Variants in MORC1 observed in about 807,000 individuals in gnomAD.
MORC1 encodes the protein MORC family CW-type zinc finger protein 1.
Under a neutral mutation model 134.9 loss-of-function variants are expected in MORC1, and 59 were observed. The ratio of observed to expected loss-of-function variants is 0.44; its 90% CI spans 0.35 to 0.54. The LOEUF is 0.54. MORC1 is among the 20% of genes least tolerant of loss of function. The pLI is 0.00. For synonymous variants in MORC1, 395 were observed against 391.7 expected (o/e 1.01, Z -0.10); for missense variants, 947 against 1,134.5 (o/e 0.83, Z 2.37).
intron 26 of MORC1, among the ~76,000 whole-genome samples, chr3:108,965,726 C>A (rs1161500150): frequency 6.6e-6 from 1 of 152,076 alleles, no homozygotes; most frequent in South Asian, 2.1e-4. Flanking sequence ...TAATTATGCA[C>A]TGGGGAAACC....
intron 9 of MORC1, among the ~76,000 whole-genome samples, chr3:109,069,024 T>C (rs1950258717): frequency 6.7e-6 from 1 of 150,122 alleles, no homozygotes; most frequent in African/African-American, 2.4e-5. Flanking sequence ...GGCGTGGTGG[T>C]GCACGCCTGT....
At chr3:108,975,718 A>T (rs1311768489) in intron 24 of MORC1, among the ~76,000 whole-genome samples, 2 of 152,158 alleles carry the variant, frequency 1.3e-5, no homozygotes, top group Non-Finnish European at 2.9e-5. Flanking sequence ...AGCCCTTAGG[A>T]CTGTGCCTAG....
chr3:109,051,246 C>T (rs909499506), intron 14 of MORC1, among the ~76,000 whole-genome samples: 1 of 152,090 alleles, frequency 6.6e-6, no homozygotes, highest in African/African-American at 2.4e-5. Flanking sequence ...TTTGCTGATT[C>T]GATTTTTACA....
chr3:109,097,697 A>G (rs1471698967), intron 6 of MORC1, among the ~76,000 whole-genome samples: 3 of 152,236 alleles, frequency 2.0e-5, no homozygotes, highest in Non-Finnish European at 2.9e-5. Context: ...TGACACGAAC[A>G]CAGAAAACCA....
chr3:108,981,449 G>A (rs1221766255), intron 23 of MORC1, among the ~76,000 whole-genome samples: 1 of 152,110 alleles, frequency 6.6e-6, no homozygotes, highest in Non-Finnish European at 1.5e-5. Flanking sequence ...TTTACACAAT[G>A]TCTGAATGCT....
intron 26 of MORC1, among the ~76,000 whole-genome samples, chr3:108,964,197 G>A (rs1947157245): frequency 6.6e-6 from 1 of 152,180 alleles, no homozygotes; most frequent in South Asian, 2.1e-4. Context: ...AAGAATCTTG[G>A]TTGTTCTCCA....
At chr3:109,018,906 A>G (rs1192900993) in intron 17 of MORC1, 1 of 152,138 alleles carries the variant, frequency 6.6e-6, no homozygotes, top group Non-Finnish European at 1.5e-5. Flanking sequence ...TTAAAACAGG[A>G]ACTCCTCGAC....
At chr3:108,970,677 C>T (rs1057477009) in intron 25 of MORC1, among the ~76,000 whole-genome samples, 1 of 152,176 alleles carries the variant, frequency 6.6e-6, no homozygotes, top group Non-Finnish European at 1.5e-5. Context: ...GAAAAGGCCT[C>T]CCACCCTCCT....
chr3:109,067,717 G>A (rs1276497748), intron 9 of MORC1, among the ~76,000 whole-genome samples: 3 of 152,168 alleles, frequency 2.0e-5, no homozygotes, highest in Non-Finnish European at 4.4e-5. Flanking sequence ...TGAATGGACT[G>A]ATTTATAGGG....
chr3:109,070,788 G>A (rs1424012278), intron 8 of MORC1, among the ~76,000 whole-genome samples: 1 of 152,158 alleles, frequency 6.6e-6, no homozygotes, highest in Non-Finnish European at 1.5e-5. Context: ...AAATGAAGAT[G>A]AAGCCATAAG....
Position 108,976,491 on chromosome 3 carries a change from AAAC to A in MORC1, c.2477+3021_2477+3023del, listed in dbSNP as rs757826473. 5.8e-4 allele frequency among the ~76,000 whole-genome samples: 88 copies of A among 152,328 alleles called. 2 individuals carry two copies. Among genetic ancestry groups the A allele is most frequent in the Non-Finnish European group, 2.2e-4 (15 of 68,024 alleles). Reference sequence around the variant, plus strand: ...TATAAAATAGCAAATAATACTACAAAAACAACAACAAGAAAAACAACAAAATAC... The same window carrying A: ...TATAAAATAGCAAATAATACTACAAAAACAACAAGAAAAACAACAAAATAC... On this transcript the variant is annotated intron_variant, in intron 24 of 27. Coordinates refer to ENST00000232603, the MANE Select transcript of MORC1 (RefSeq NM_014429.4).
intron 1 of MORC1, among the ~76,000 whole-genome samples, chr3:109,115,983 A>G (rs1490297403): frequency 6.6e-6 from 1 of 152,192 alleles, no homozygotes; most frequent in East Asian, 1.9e-4. Context: ...CTTGCAGAGT[A>G]CGGTAGAAAC....
chr3:108,972,167 A>C (rs1443962805), intron 24 of MORC1, among the ~76,000 whole-genome samples: 4 of 152,230 alleles, frequency 2.6e-5, no homozygotes, highest in African/African-American at 9.6e-5. Context: ...GTCAAAGGAC[A>C]ATAGCACCCA....
chr3:108,971,448 G>C, intron 24 of MORC1, 46 bp from the exon 25 acceptor site: 1 of 1,527,470 alleles, frequency 6.5e-7, no homozygotes, highest in Admixed American at 1.7e-5. Flanking sequence ...TAGGATAACA[G>C]AGGTAGCACT....
At chr3:109,052,761 A>C (rs1311894164) in intron 14 of MORC1, among the ~76,000 whole-genome samples, 2 of 152,220 alleles carry the variant, frequency 1.3e-5, no homozygotes, top group Non-Finnish European at 2.9e-5. Context: ...CATTGAATAC[A>C]TGATATTCTA....
intron 6 of MORC1, 33 bp downstream of exon 6, chr3:109,099,325 C>G (rs1467859469): frequency 6.7e-7 from 1 of 1,481,778 alleles, no homozygotes; most frequent in Non-Finnish European, 9.3e-7. Context: ...AACATCATTG[C>G]TATGGGAACA....
intron 3 of MORC1, chr3:109,109,929 T>C (rs1254333267): frequency 6.6e-6 from 1 of 152,216 alleles, no homozygotes; most frequent in African/African-American, 2.4e-5. Flanking sequence ...AGCCTAACAT[T>C]TATCAGCAAT....
At chr3:108,987,100 T>C (rs759102485) in intron 21 of MORC1, 151 bp from the exon 22 acceptor site, 1 of 492,244 alleles carries the variant, frequency 2.0e-6, no homozygotes, top group Non-Finnish European at 3.6e-6. Flanking sequence ...AGGGAACAAA[T>C]GGTACATGTA....
intron 23 of MORC1, among the ~76,000 whole-genome samples, chr3:108,979,983 A>G (rs1947668558): frequency 6.6e-6 from 1 of 152,188 alleles, no homozygotes. Context: ...AACCTGTTAA[A>G]CAACTATACA....
Sources: gnomAD v4.1 joint callset for allele counts (sites outside exome capture counted in the v4.1 genomes callset) on GRCh38, gnomAD v4.1.1 for gene constraint, MANE v1.5 for transcripts, NCBI Gene and HGNC (gene_info 2026-07-23, HGNC 2026-07-21) for gene names.